The following JAZF1 variants were observed in gnomAD, a reference collection of about 807,000 sequenced individuals.
The protein encoded by JAZF1 is juxtaposed with another zinc finger protein 1.
Under a neutral mutation model 26.4 loss-of-function variants are expected in JAZF1, and 8 were observed. The observed-to-expected ratio is 0.30, with a 90% CI of 0.18 to 0.55. The LOEUF (loss-of-function observed/expected upper bound fraction) is 0.55, where lower values mean the gene tolerates loss of function less well. Ranked by LOEUF, JAZF1 falls within the 20% of genes least tolerant of loss-of-function variation. The probability of loss-of-function intolerance (pLI) is 0.94; values close to 1 mark genes in which losing one functional copy is unlikely to be tolerated. For synonymous variants in JAZF1, 126 were observed against 122.3 expected, an observed-to-expected ratio of 1.03 and a Z score of -0.20; for missense variants, 199 against 322.0, an observed-to-expected ratio of 0.62 and a Z score of 2.92.
intron 2 of JAZF1, among the ~76,000 whole-genome samples, chr7:27,989,177 A>G (rs1446085585): frequency 6.6e-6 from 1 of 152,192 alleles, no homozygotes; most frequent in East Asian, 1.9e-4. Context: ...TGACAAATAC[A>G]AGAAATGGGG....
chr7:27,950,954 T>C (rs1325262835), intron 2 of JAZF1, among the ~76,000 whole-genome samples: 2 of 152,046 alleles, frequency 1.3e-5, no homozygotes, highest in Non-Finnish European at 2.9e-5. Context: ...GATAATTTCG[T>C]CTTTCTCTTC....
At chr7:28,172,673 C>T (rs1440841187) in intron 1 of JAZF1, among the ~76,000 whole-genome samples, 6 of 152,168 alleles carry the variant, frequency 3.9e-5, no homozygotes, top group East Asian at 3.9e-4. Flanking sequence ...CCTGGCTCCA[C>T]GCACCATAAA....
At chr7:28,145,312 T>C (rs1238753771) in intron 1 of JAZF1, among the ~76,000 whole-genome samples, 2 of 152,134 alleles carry the variant, frequency 1.3e-5, no homozygotes, top group East Asian at 3.8e-4. Context: ...ACTGAGGGTA[T>C]GAAACTAAGA....
At chr7:28,150,384 T>A (rs1439898149) in intron 1 of JAZF1, among the ~76,000 whole-genome samples, 1 of 152,214 alleles carries the variant, frequency 6.6e-6, no homozygotes, top group Non-Finnish European at 1.5e-5. Flanking sequence ...GTAATGCCCA[T>A]GGAAGAGTCC....
At chr7:27,995,308 A>G (rs60527674) in intron 1 of JAZF1, among the ~76,000 whole-genome samples, 17,256 of 152,246 alleles carry the variant, frequency 0.11, 1,465 homozygotes, top group African/African-American at 0.24. Flanking sequence ...TCATAGCCAC[A>G]TGAGGCTCCT....
At chr7:27,909,876 C>G (rs204) in intron 2 of JAZF1, among the ~76,000 whole-genome samples, 57,015 of 151,860 alleles carry the variant, frequency 0.38, 10,925 homozygotes, top group East Asian at 0.5. Flanking sequence ...AAAATATATA[C>G]GGATTTTTAA....
chr7:27,842,265 G>A (rs1429439980), intron 3 of JAZF1: 1 of 152,156 alleles, frequency 6.6e-6, no homozygotes, highest in South Asian at 2.1e-4. Flanking sequence ...GGGGATTACT[G>A]TCACCGTTAT....
At chr7:28,121,522 C>T (rs758843079) in intron 1 of JAZF1, among the ~76,000 whole-genome samples, 2 of 152,190 alleles carry the variant, frequency 1.3e-5, no homozygotes, top group Non-Finnish European at 2.9e-5. Flanking sequence ...ATTTCCTCTC[C>T]ACTATTCGTA....
intron 2 of JAZF1, among the ~76,000 whole-genome samples, chr7:27,928,550 T>C (rs1388606449): frequency 2.0e-5 from 3 of 152,218 alleles, no homozygotes; most frequent in Admixed American, 2.0e-4. Context: ...CACTAATTCT[T>C]TGTTTTGTTC....
chr7:28,142,580 G>A (rs1191414141), intron 1 of JAZF1, among the ~76,000 whole-genome samples: 1 of 152,168 alleles, frequency 6.6e-6, no homozygotes. Context: ...CCTTTGTCCT[G>A]CCATTTTTAG....
At chr7:27,924,769 C>A (rs2128348730) in intron 2 of JAZF1, among the ~76,000 whole-genome samples, 1 of 152,282 alleles carries the variant, frequency 6.6e-6, no homozygotes, top group South Asian at 2.1e-4. Context: ...TTTTATGAAT[C>A]CAGTAAGGTA....
At position 28,105,548 on chromosome 7, in the gene JAZF1, T is replaced by C. The variant is rs113290912; in HGVS notation, c.115+74915A>G. On this transcript the variant is annotated intron_variant, in intron 1 of 4. Coordinates refer to ENST00000283928, the MANE Select transcript of JAZF1 (RefSeq NM_175061.4). ...AGCTGCACTGAGTTCACCTTTTAGTTTGACAAAAGGATTTCCTTCGTCACA... is the reference window on the plus strand; with the variant it reads ...AGCTGCACTGAGTTCACCTTTTAGTCTGACAAAAGGATTTCCTTCGTCACA... Among the ~76,000 whole-genome samples, 45 of 152,324 alleles carry C rather than the reference T, an allele frequency of 3.0e-4. 1 individual carries two copies. Among genetic ancestry groups the C allele is most frequent in the African/African-American group, 1.1e-3 (45 of 41,580 alleles).
chr7:28,090,814 G>GTT (rs1470980185), intron 1 of JAZF1, among the ~76,000 whole-genome samples: 10 of 122,080 alleles, frequency 8.2e-5, no homozygotes, highest in African/African-American at 2.8e-4. Flanking sequence ...CTTTTTTTTA[G>GTT]TTGTTTTTTT....
At chr7:27,917,755 C>G (rs943427991) in intron 2 of JAZF1, among the ~76,000 whole-genome samples, 1 of 152,146 alleles carries the variant, frequency 6.6e-6, no homozygotes, top group Non-Finnish European at 1.5e-5. Context: ...GCCAAGCAAG[C>G]TATTTTAAGA....
chr7:27,975,112 T>C (rs2107821), intron 2 of JAZF1, among the ~76,000 whole-genome samples: 124,665 of 151,574 alleles, frequency 0.82, 51,921 homozygotes, highest in African/African-American at 0.94. Context: ...GTTTCGATCT[T>C]CTAACCTCAT....
chr7:27,984,309 C>A (rs1396821715), intron 2 of JAZF1, among the ~76,000 whole-genome samples: 2 of 152,148 alleles, frequency 1.3e-5, no homozygotes, highest in Admixed American at 6.6e-5. Context: ...CAATCCTAGT[C>A]TCTGATAAAA....
chr7:27,998,792 T>A (rs1321844958), intron 1 of JAZF1, among the ~76,000 whole-genome samples: 1 of 152,240 alleles, frequency 6.6e-6, no homozygotes, highest in Non-Finnish European at 1.5e-5. Flanking sequence ...TAAACATTAT[T>A]CAACCAAGAA....
chr7:28,005,616 G>A (rs1038924510), intron 1 of JAZF1, among the ~76,000 whole-genome samples: 2 of 152,188 alleles, frequency 1.3e-5, no homozygotes, highest in Non-Finnish European at 2.9e-5. Flanking sequence ...CAGGAACACA[G>A]TGTTCAGGTT....
chr7:27,957,407 C>A (rs6968677), intron 2 of JAZF1, among the ~76,000 whole-genome samples: 19 of 152,198 alleles, frequency 1.2e-4, no homozygotes, highest in South Asian at 4.1e-4. Context: ...GCAATACCTC[C>A]AGGTAGTTCA....
Sources: gnomAD v4.1 joint callset for allele counts (sites outside exome capture counted in the v4.1 genomes callset) on GRCh38, gnomAD v4.1.1 for gene constraint, MANE v1.5 for transcripts, NCBI Gene and HGNC (gene_info 2026-07-23, HGNC 2026-07-21) for gene names.